The following FAM184B variants were observed in gnomAD, a reference collection of about 807,000 sequenced individuals.
FAM184B encodes the protein family with sequence similarity 184 member B, also known as protein FAM184B.
FAM184B carries 111 observed loss-of-function variants against 135.9 expected under a neutral mutation model. That is an observed-to-expected ratio of 0.82 (90% CI 0.70 to 0.96). FAM184B has a LOEUF of 0.96. FAM184B is among the 40% of genes least tolerant of loss of function. The pLI is 0.00. For missense variants in FAM184B, 1,375 were observed against 1,323.9 expected (o/e 1.04, Z -0.60); for synonymous variants, 552 against 524.8 (o/e 1.05, Z -0.71).
intron 3 of FAM184B, among the ~76,000 whole-genome samples, chr4:17,706,513 C>T (rs1211321346): frequency 6.6e-6 from 1 of 152,168 alleles, no homozygotes; most frequent in Non-Finnish European, 1.5e-5. Flanking sequence ...GTTATATCTC[C>T]CAGTGTCAAG....
chr4:17,761,130 G>C (rs1293763917), intron 1 of FAM184B, among the ~76,000 whole-genome samples: 1 of 152,162 alleles, frequency 6.6e-6, no homozygotes, highest in Non-Finnish European at 1.5e-5. Context: ...TCCAGGGTGA[G>C]AAGCCTGCCC....
chr4:17,636,905 C>CA (rs1342789784), intron 14 of FAM184B, among the ~76,000 whole-genome samples: 1 of 152,190 alleles, frequency 6.6e-6, no homozygotes, highest in Non-Finnish European at 1.5e-5. Flanking sequence ...AGCGGGGCTT[C>CA]AAGAGCCAGG....
Position 17,781,141 on chromosome 4 carries a change from C to G in FAM184B, c.141+18G>C, listed in dbSNP as rs534200325. The G allele has an allele frequency of 7.5e-4, 1,143 of 1,517,138 alleles. 30 individuals are homozygous for G. In the East Asian group the frequency reaches 0.029, roughly 38 times the overall value. 94.0% of individuals were successfully genotyped at this position (1,517,138 alleles called of 1,614,324 possible). ...GCCCCGGGCGTGCAGCTCGCTGGCC[C>G]GCTGCGCCCCACCTTACCTTGGTGA... On this transcript the variant is annotated intron_variant, in intron 1 of 17. Transcript: ENST00000265018. The surrounding 1 kb of genome is among the most constrained non-coding windows in gnomAD (Gnocchi z 6.5).
rs557494942 is a variant in FAM184B at position 17,632,556 on chromosome 4, C to T, written c.3159G>A (p.Trp1053Ter). 6.4e-7 allele frequency: 1 copy of T among 1,551,304 alleles called. No homozygotes were observed. The highest frequency in any genetic ancestry group is 1.4e-5 in the African/African-American group (1 of 73,144). ...CTTAGAAAGAAAAGTACTTGGTGAA[C>T]CATTCCTGGTGCGGAGAGCCCTGTT... ...QQKQGSPHQE[W>*]FTKYFSF The change falls in exon 18 of 18, where the codon TGG (tryptophan) becomes TGA (stop). Residue 1053 changes from tryptophan (W) to a stop codon, truncating the protein, a stop_gained. Transcript: ENST00000265018. LOFTEE classifies it high-confidence loss of function.
chr4:17,719,644 A>T (rs1040730506), intron 1 of FAM184B, among the ~76,000 whole-genome samples: 2 of 152,206 alleles, frequency 1.3e-5, no homozygotes, highest in African/African-American at 4.8e-5. Flanking sequence ...CTATCAATAC[A>T]TAACTGTGCT....
At chr4:17,746,090 C>T (rs1718153967) in intron 1 of FAM184B, among the ~76,000 whole-genome samples, 1 of 152,008 alleles carries the variant, frequency 6.6e-6, no homozygotes, top group Non-Finnish European at 1.5e-5. Flanking sequence ...TCCCGAGTAG[C>T]TGGGATTACA....
At chr4:17,645,842 A>AAT (rs538870776) in intron 12 of FAM184B, among the ~76,000 whole-genome samples, 64 of 152,324 alleles carry the variant, frequency 4.2e-4, no homozygotes, top group South Asian at 8.3e-4. Context: ...ACAAAGGGCT[A>AAT]ATATCCAGAA....
chr4:17,735,499 G>A lies in FAM184B; in HGVS notation c.142-25855C>T, dbSNP rs1717887052. On this transcript the variant is annotated intron_variant, in intron 1 of 17. Coordinates refer to ENST00000265018, the MANE Select transcript of FAM184B (RefSeq NM_015688.2). Reference sequence around the variant, plus strand: ...ACCCTGACATGATATGAACCTACATGTAGCTTTTTCTATGTCCAATATTGT... The same window carrying A: ...ACCCTGACATGATATGAACCTACATATAGCTTTTTCTATGTCCAATATTGT... 5.9e-5 allele frequency among the ~76,000 whole-genome samples: 9 copies of A among 152,132 alleles called. No individual in the cohort carries two copies. The South Asian group carries it at 1.9e-3, about 32-fold the overall frequency.
rs576761944 is a variant in FAM184B, at chr4:17,688,552, C to A, written c.1489-21G>T. On this transcript the variant is annotated intron_variant, in intron 6 of 17. Coordinates refer to ENST00000265018, the MANE Select transcript of FAM184B (RefSeq NM_015688.2). ...AAAACCTAAAACAGGAGATAAGAAA[C>A]ACCACACAATGAAACCAGGTTCTAC... 98 of 1,518,262 alleles carry A rather than the reference C, an allele frequency of 6.5e-5. 1 individual carries two copies. In the East Asian group the frequency reaches 2.4e-3, roughly 37 times the overall value. The allele number at this position is 1,518,262 out of a possible 1,614,324, so 94.0% of individuals were successfully genotyped here.
chr4:17,695,386 G>A (rs6831211), intron 5 of FAM184B, among the ~76,000 whole-genome samples: 95,193 of 151,966 alleles, frequency 0.63, 30,149 homozygotes, highest in East Asian at 0.88. Context: ...GGCTGGTCTT[G>A]AACTCCTAAA....
Position 17,775,469 on chromosome 4 carries a change from G to A in FAM184B, c.141+5690C>T, listed in dbSNP as rs1718908043. 2.0e-5 allele frequency among the ~76,000 whole-genome samples: 3 copies of A among 152,180 alleles called. 1 individual carries two copies. Among genetic ancestry groups the A allele is most frequent in the Non-Finnish European group, 4.4e-5 (3 of 68,028 alleles). On this transcript the variant is annotated intron_variant, in intron 1 of 17. Coordinates refer to ENST00000265018, the MANE Select transcript of FAM184B (RefSeq NM_015688.2). ...CAAACTGCTGGGATTACAGGCATGAGCCACTGAGCCCAGCTAGAATAGGAA... is the reference window on the plus strand; with the variant it reads ...CAAACTGCTGGGATTACAGGCATGAACCACTGAGCCCAGCTAGAATAGGAA...
chr4:17,673,028 C>A (rs1038339631), intron 7 of FAM184B, among the ~76,000 whole-genome samples: 6 of 152,150 alleles, frequency 3.9e-5, no homozygotes, highest in Admixed American at 2.0e-4. Flanking sequence ...ATCTATACAT[C>A]TGACAAAGGA....
chr4:17,710,469 A>T (rs899099041), intron 1 of FAM184B, among the ~76,000 whole-genome samples: 1 of 152,202 alleles, frequency 6.6e-6, no homozygotes, highest in Non-Finnish European at 1.5e-5. Context: ...ATAGACACAG[A>T]AAAAAATATT....
chr4:17,757,826 C>A (rs938365409), intron 1 of FAM184B, among the ~76,000 whole-genome samples: 3 of 152,118 alleles, frequency 2.0e-5, no homozygotes, highest in East Asian at 3.8e-4. Context: ...ATTTAGCTGC[C>A]AAGAGTTCTG....
intron 17 of FAM184B, 183 bp downstream of exon 17, chr4:17,633,506 T>G (rs1291834344): frequency 1.9e-6 from 1 of 530,478 alleles, no homozygotes; most frequent in East Asian, 3.3e-5. Flanking sequence ...CCAGGCCAGA[T>G]GGAGTCCACC....
intron 1 of FAM184B, among the ~76,000 whole-genome samples, chr4:17,733,207 A>C (rs1577281776): frequency 1.3e-5 from 2 of 152,328 alleles, no homozygotes; most frequent in East Asian, 3.9e-4. Flanking sequence ...AGAGCTATCT[A>C]TGACAAACCC....
chr4:17,688,658 C>A, intron 6 of FAM184B, 127 bp from the exon 7 acceptor site: 5 of 340,874 alleles, frequency 1.5e-5, no homozygotes, highest in Non-Finnish European at 2.7e-5. Flanking sequence ...TAGACAAATT[C>A]TACACACACT....
intron 12 of FAM184B, among the ~76,000 whole-genome samples, chr4:17,646,735 T>TA (rs957843008): frequency 2.0e-5 from 3 of 151,768 alleles, no homozygotes; most frequent in South Asian, 2.1e-4. Context: ...ATAATAATAA[T>TA]AAAAAAAGAA....
chr4:17,665,009 G>T (rs1345715052), intron 7 of FAM184B, among the ~76,000 whole-genome samples: 1 of 152,188 alleles, frequency 6.6e-6, no homozygotes, highest in East Asian at 1.9e-4. Context: ...CCGGATAATA[G>T]GACCCTGGGG....
Sources: gnomAD v4.1 joint callset for allele counts (sites outside exome capture counted in the v4.1 genomes callset) on GRCh38, gnomAD v4.1.1 for gene constraint, Gnocchi (gnomAD v3.1) non-coding constraint, MANE v1.5 for transcripts, NCBI Gene and HGNC (gene_info 2026-07-23, HGNC 2026-07-21) for gene names.